The following PRKG1 variants were observed in gnomAD, a reference collection of about 807,000 sequenced individuals.
The protein encoded by PRKG1 is protein kinase cGMP-dependent 1.
A neutral mutation model predicts 88.1 loss-of-function variants in PRKG1; 35 were observed. The ratio of observed to expected loss-of-function variants is 0.40; its 90% CI spans 0.30 to 0.53. PRKG1 has a LOEUF of 0.53. Among genes scored for constraint, PRKG1 ranks in the 20% least tolerant of loss-of-function variants. The probability of loss-of-function intolerance (pLI) is 0.59; values close to 1 mark genes in which losing one functional copy is unlikely to be tolerated. For synonymous variants in PRKG1, 303 were observed against 292.5 expected (o/e 1.04, Z -0.37); for missense variants, 540 against 839.8 (o/e 0.64, Z 4.41).
At chr10:51,912,733 T>G (rs1285256493) in intron 5 of PRKG1, among the ~76,000 whole-genome samples, 1 of 151,892 alleles carries the variant, frequency 6.6e-6, no homozygotes, top group Non-Finnish European at 1.5e-5. Context: ...AAATAAAAAA[T>G]AAAGGATTTA....
intron 2 of PRKG1, among the ~76,000 whole-genome samples, chr10:51,437,524 T>A (rs1469693256): frequency 1.3e-5 from 2 of 152,090 alleles, no homozygotes; most frequent in Non-Finnish European, 2.9e-5. Context: ...ACTTGCTTAA[T>A]GGTAAATTCC....
At chr10:51,913,256 T>C (rs1427562218) in intron 5 of PRKG1, among the ~76,000 whole-genome samples, 1 of 152,180 alleles carries the variant, frequency 6.6e-6, no homozygotes, top group African/African-American at 2.4e-5. Context: ...CAGGGGTACA[T>C]GAACAGGTTT....
At chr10:51,511,373 T>C (rs1341614439) in intron 3 of PRKG1, among the ~76,000 whole-genome samples, 2 of 152,132 alleles carry the variant, frequency 1.3e-5, no homozygotes, top group Non-Finnish European at 2.9e-5. Context: ...AGGACTTCTA[T>C]TATCAGAAGT....
intron 9 of PRKG1, among the ~76,000 whole-genome samples, chr10:52,213,957 A>G (rs1303624020): frequency 6.6e-6 from 1 of 152,234 alleles, no homozygotes; most frequent in Non-Finnish European, 1.5e-5. Context: ...TAATACATCT[A>G]CAAGAAATAC....
At chr10:51,751,682 AC>A (rs2132510362) in intron 3 of PRKG1, among the ~76,000 whole-genome samples, 1 of 152,192 alleles carries the variant, frequency 6.6e-6, no homozygotes, top group South Asian at 2.1e-4. Flanking sequence ...AAATCTGGCA[AC>A]CCTACCTAGG....
At chr10:51,262,839 A>G (rs2132162378) in intron 2 of PRKG1, among the ~76,000 whole-genome samples, 1 of 152,278 alleles carries the variant, frequency 6.6e-6, no homozygotes, top group African/African-American at 2.4e-5. Context: ...AATCACTAAA[A>G]TAACAAGGGG....
At chr10:51,919,688 A>G (rs1191953191) in intron 5 of PRKG1, among the ~76,000 whole-genome samples, 2 of 151,564 alleles carry the variant, frequency 1.3e-5, no homozygotes, top group East Asian at 3.9e-4. Context: ...TTTTTTTTTA[A>G]AGTGGCTTAC....
chr10:52,000,595 C>T (rs1844568886), intron 5 of PRKG1, among the ~76,000 whole-genome samples: 1 of 152,014 alleles, frequency 6.6e-6, no homozygotes, highest in Admixed American at 6.6e-5. Context: ...TGAATGAAAG[C>T]ACCCTTTCAG....
At chr10:51,847,735 G>A (rs931797708) in intron 4 of PRKG1, among the ~76,000 whole-genome samples, 1 of 148,380 alleles carries the variant, frequency 6.7e-6, no homozygotes, top group African/African-American at 2.5e-5. Context: ...TCTAAGTTGA[G>A]TGTGGTAGTG....
At chr10:51,712,992 A>T (rs1841799001) in intron 3 of PRKG1, among the ~76,000 whole-genome samples, 1 of 151,440 alleles carries the variant, frequency 6.6e-6, no homozygotes, top group African/African-American at 2.4e-5. Flanking sequence ...TTTTTGATGG[A>T]TGAGAAAACT....
intron 5 of PRKG1, among the ~76,000 whole-genome samples, chr10:51,940,491 G>A (rs1464673644): frequency 6.6e-6 from 1 of 151,892 alleles, no homozygotes; most frequent in African/African-American, 2.4e-5. Context: ...TATAGCTCTT[G>A]CCACTGGTAC....
chr10:52,008,586 T>C (rs1189411666), intron 5 of PRKG1, among the ~76,000 whole-genome samples: 1 of 151,946 alleles, frequency 6.6e-6, no homozygotes, highest in African/African-American at 2.4e-5. Context: ...AGAAATTAAA[T>C]CCCTGAACAG....
chr10:52,282,416 C>A, intron 14 of PRKG1, 100 bp downstream of exon 14: 1 of 1,166,230 alleles, frequency 8.6e-7, no homozygotes, highest in Non-Finnish European at 1.2e-6. Flanking sequence ...AAGTACTTTT[C>A]ACCATATCTT....
chr10:51,378,672 A>C (rs1842862344), intron 2 of PRKG1, among the ~76,000 whole-genome samples: 1 of 152,202 alleles, frequency 6.6e-6, no homozygotes, highest in Non-Finnish European at 1.5e-5. Context: ...AGTGATGAGG[A>C]ATCCAATAGA....
chr10:51,444,406 C>T (rs1400350800), intron 2 of PRKG1, among the ~76,000 whole-genome samples: 2 of 151,724 alleles, frequency 1.3e-5, no homozygotes, highest in Non-Finnish European at 2.9e-5. Flanking sequence ...ATATGTGTTG[C>T]CTCCCTAACC....
At chr10:51,222,977 A>G (rs1347661214) in intron 2 of PRKG1, among the ~76,000 whole-genome samples, 1 of 151,142 alleles carries the variant, frequency 6.6e-6, no homozygotes, top group Admixed American at 6.6e-5. Context: ...TAACATATCC[A>G]TCACTGTAAT....
chr10:51,580,072 A>G (rs1047896874), intron 3 of PRKG1, among the ~76,000 whole-genome samples: 1 of 152,166 alleles, frequency 6.6e-6, no homozygotes, highest in East Asian at 1.9e-4. Context: ...TTTTTACTAC[A>G]TATGTGTTTG....
At chr10:51,180,451 T>C (rs746634457) in intron 2 of PRKG1, among the ~76,000 whole-genome samples, 1 of 152,254 alleles carries the variant, frequency 6.6e-6, no homozygotes, top group Non-Finnish European at 1.5e-5. Flanking sequence ...ATCCCCATCT[T>C]TGAAGTAAAG....
rs188238926 is a variant in PRKG1 at position 51,005,345 on chromosome 10, T to G, written c.266+13701T>G. 5.3e-4 allele frequency among the ~76,000 whole-genome samples: 81 copies of G among 152,216 alleles called. 1 individual carries two copies. The highest frequency in any genetic ancestry group is 1.9e-3 in the African/African-American group (80 of 41,526). ...GAGCTTTTGAAAAATTTAGTTTTGG[T>G]AGTAAGTTTATAGTGCCTCTTGCTT... is the stretch of plus-strand genomic sequence containing the variant. On this transcript the variant is annotated intron_variant, in intron 1 of 17. Transcript: ENST00000401604.
Sources: allele counts gnomAD v4.1 joint callset (sites outside exome capture counted in the v4.1 genomes callset), GRCh38; gene constraint gnomAD v4.1.1; transcripts MANE v1.5; gene names NCBI Gene and HGNC (gene_info 2026-07-23, HGNC 2026-07-21).